The following MTNR1A variants were observed in gnomAD, a reference collection of about 807,000 sequenced individuals.
MTNR1A encodes melatonin receptor type 1A.
MTNR1A carries 7 observed loss-of-function variants against 5.5 expected under a neutral mutation model. The observed-to-expected ratio is 1.28, with a 90% confidence interval of 0.73 to 2.40. The LOEUF (loss-of-function observed/expected upper bound fraction) is 2.40. Ranked by LOEUF, MTNR1A falls within the 30% of genes most tolerant of loss-of-function variation. The pLI is 0.00. For missense variants in MTNR1A, 441 were observed against 464.4 expected (o/e 0.95, Z 0.46); for synonymous variants, 196 against 202.7 (o/e 0.97, Z 0.28).
intron 1 of MTNR1A, among the ~76,000 whole-genome samples, chr4:186,552,542 A>C (rs889800925): frequency 6.6e-6 from 1 of 152,240 alleles, no homozygotes; most frequent in Non-Finnish European, 1.5e-5. Context: ...GATTTCCAGC[A>C]AACAGAGCAC....
chr4:186,544,236 G>T (rs1366373930), intron 1 of MTNR1A, among the ~76,000 whole-genome samples: 1 of 152,172 alleles, frequency 6.6e-6, no homozygotes, highest in Non-Finnish European at 1.5e-5. Context: ...GGCCAGGATA[G>T]TCTCGATCTC....
chr4:186,541,785 C>A (rs1397512723), intron 1 of MTNR1A, among the ~76,000 whole-genome samples: 1 of 152,158 alleles, frequency 6.6e-6, no homozygotes, highest in Admixed American at 6.5e-5. Context: ...AACCATTCCC[C>A]CACCCTGTCC....
intron 1 of MTNR1A, among the ~76,000 whole-genome samples, chr4:186,545,283 C>T (rs959027576): frequency 4.6e-5 from 7 of 152,148 alleles, no homozygotes; most frequent in African/African-American, 1.2e-4. Context: ...CCAACCATAC[C>T]GGGTAGGAGT....
chr4:186,550,653 C>T (rs1300393897), intron 1 of MTNR1A, among the ~76,000 whole-genome samples: 1 of 152,118 alleles, frequency 6.6e-6, no homozygotes, highest in Non-Finnish European at 1.5e-5. Flanking sequence ...CCTAGGTTAA[C>T]TCCCAAAATT....
chr4:186,544,786 C>T (rs568073266), intron 1 of MTNR1A, among the ~76,000 whole-genome samples: 1 of 152,324 alleles, frequency 6.6e-6, no homozygotes, highest in African/African-American at 2.4e-5. Context: ...TTCTGCTCAT[C>T]CTCTGTCTTT....
At chr4:186,540,292 C>A (rs972513676) in intron 1 of MTNR1A, among the ~76,000 whole-genome samples, 1 of 152,246 alleles carries the variant, frequency 6.6e-6, no homozygotes, top group Non-Finnish European at 1.5e-5. Context: ...GTTGGCCCTG[C>A]AGACCCTGTG....
chr4:186,539,075 G>C (rs1203687679), intron 1 of MTNR1A, among the ~76,000 whole-genome samples: 1 of 151,910 alleles, frequency 6.6e-6, no homozygotes, highest in Non-Finnish European at 1.5e-5. Flanking sequence ...AAATTAGCTG[G>C]GCGTGGTGGT....
chr4:186,538,328 G>A (rs116751633), intron 1 of MTNR1A, among the ~76,000 whole-genome samples: 1,720 of 152,294 alleles, frequency 0.011, 26 homozygotes, highest in African/African-American at 0.039. Context: ...GCACCGCTCC[G>A]GGTTAGTGTT....
intron 1 of MTNR1A, among the ~76,000 whole-genome samples, chr4:186,540,541 T>A (rs1176941556): frequency 6.6e-6 from 1 of 152,254 alleles, no homozygotes; most frequent in Non-Finnish European, 1.5e-5. Flanking sequence ...TTTTACTTCC[T>A]ACTTGGCCTT....
intron 1 of MTNR1A, among the ~76,000 whole-genome samples, chr4:186,550,612 T>C (rs1367633380): frequency 2.0e-5 from 3 of 152,130 alleles, no homozygotes; most frequent in Admixed American, 6.5e-5. Context: ...TAAATATTAA[T>C]AGAAGGAGGT....
At chr4:186,540,187 A>AAT (rs1736979222) in intron 1 of MTNR1A, among the ~76,000 whole-genome samples, 1 of 152,180 alleles carries the variant, frequency 6.6e-6, no homozygotes, top group South Asian at 2.1e-4. Context: ...CCTGTGATTC[A>AAT]ATTACCTCCC....
intron 1 of MTNR1A, among the ~76,000 whole-genome samples, chr4:186,536,497 A>C (rs1227260651): frequency 6.6e-6 from 1 of 152,172 alleles, no homozygotes. Flanking sequence ...TTCGCCTTCT[A>C]TTCTATTGAC....
intron 1 of MTNR1A, among the ~76,000 whole-genome samples, chr4:186,549,838 T>A (rs1012446144): frequency 1.3e-5 from 2 of 152,222 alleles, no homozygotes; most frequent in Non-Finnish European, 2.9e-5. Context: ...ACTCTAGGAA[T>A]GCAGTAAGTA....
At chr4:186,539,389 G>T (rs116135413) in intron 1 of MTNR1A, among the ~76,000 whole-genome samples, 1 of 152,062 alleles carries the variant, frequency 6.6e-6, no homozygotes, top group Non-Finnish European at 1.5e-5. Context: ...AGTGTTGACT[G>T]GAGCCCAGAA....
chr4:186,550,963 A>G (rs1157155238), intron 1 of MTNR1A, among the ~76,000 whole-genome samples: 2 of 152,234 alleles, frequency 1.3e-5, no homozygotes, highest in Non-Finnish European at 1.5e-5. Flanking sequence ...TACAAGGGGG[A>G]AAAATCAATA....
At chr4:186,548,652 G>A (rs1024127887) in intron 1 of MTNR1A, among the ~76,000 whole-genome samples, 1 of 151,440 alleles carries the variant, frequency 6.6e-6, no homozygotes, top group Non-Finnish European at 1.5e-5. Context: ...GAGCAAATTA[G>A]GTCACTTGCC....
chr4:186,541,735 C>T lies in MTNR1A; in HGVS notation c.185-7178G>A, dbSNP rs111387177. ...CTACACCCTCCTTATGAGAATCTAA[C>T]TAATGCCTGATGATTTGAGGTGGGA... On this transcript the variant is annotated intron_variant, in intron 1 of 1. Transcript: ENST00000307161. 4.2e-3 allele frequency among the ~76,000 whole-genome samples: 636 copies of T among 152,322 alleles called. 8 individuals carry two copies. The highest frequency in any genetic ancestry group is 0.014 in the African/African-American group (597 of 41,584).
Position 186,533,738 on chromosome 4 carries a change from G to T in MTNR1A, c.1004C>A (p.Pro335Gln), listed in dbSNP as rs150190540. 6.2e-7 allele frequency: 1 copy of T among 1,614,150 alleles called. No homozygotes were observed. Among genetic ancestry groups the T allele is most frequent in the East Asian group, 2.2e-5 (1 of 44,886 alleles). ...NDVADRVKWK[P>Q]SPLMTNNNVV... ...ATTATTGTTGGTCATCAGTGGAGAC[G>T]GTTTCCATTTAACCCTATCGGCCAC... Residue 335 changes from proline (P) to glutamine (Q), a missense_variant, in exon 2 of 2, where the codon CCG becomes CAG. By Grantham distance (76) the Pro-to-Gln change is moderately conservative (BLOSUM62 -1). Transcript: ENST00000307161.
intron 1 of MTNR1A, among the ~76,000 whole-genome samples, chr4:186,541,439 G>A (rs1186865124): frequency 2.0e-5 from 3 of 152,028 alleles, no homozygotes; most frequent in Non-Finnish European, 4.4e-5. Flanking sequence ...AGATTCATGG[G>A]CAGTGGCTAA....
Sources: gnomAD v4.1 joint callset for allele counts (sites outside exome capture counted in the v4.1 genomes callset) on GRCh38, gnomAD v4.1.1 for gene constraint, MANE v1.5 for transcripts, NCBI Gene and HGNC (gene_info 2026-07-23, HGNC 2026-07-21) for gene names.